Variants in EML2 observed in about 807,000 individuals in gnomAD.
The protein encoded by EML2 is EMAP like 2.
EML2 carries 59 observed loss-of-function variants against 84.7 expected under a neutral mutation model. The observed-to-expected ratio is 0.70, with a 90% CI of 0.56 to 0.86. The LOEUF is 0.86. EML2 is among the 40% of genes least tolerant of loss of function. EML2 has a pLI of 0.00. For synonymous variants in EML2, 352 were observed against 348.9 expected (o/e 1.01, Z -0.10); for missense variants, 818 against 855.6 (o/e 0.96, Z 0.55).
intron 11 of EML2, 198 bp from the exon 12 acceptor site, chr19:45,619,389 A>C (rs1208664951): frequency 5.7e-6 from 3 of 527,730 alleles, no homozygotes; most frequent in Non-Finnish European, 9.5e-6. Flanking sequence ...GACTCAAGGC[A>C]AATCCTGCCC....
At chr19:45,615,980 TAC>T in intron 15 of EML2, 91 bp from the exon 16 acceptor site, 2 of 951,772 alleles carry the variant, frequency 2.1e-6, no homozygotes, top group Non-Finnish European at 3.3e-6. Context: ...GGAAGTCAAA[TAC>T]AGAGGTAGGG....
At chr19:45,643,814 G>A, upstream of EML2, 5 of 1,434,066 alleles carry the variant, frequency 3.5e-6, no homozygotes, top group Non-Finnish European at 4.6e-6. Context: ...CGCCTCCCAG[G>A]TCCGGTGCCT....
At position 45,638,852 on chromosome 19, in the gene EML2, G is replaced by T. The variant is rs1428661520; in HGVS notation, c.42C>A (p.Phe14Leu). The change falls in exon 2 of 19, where the codon TTC (phenylalanine) becomes TTA (leucine). Residue 14 changes from phenylalanine to leucine, a missense_variant. Coordinates refer to ENST00000245925, the MANE Select transcript of EML2 (RefSeq NM_012155.4). The stretch of plus-strand genomic sequence containing the variant: ...CCCCATCTCCCCACTCACCCACACT[G>T]AAGATAACTTCTTTGGTTTTGCTGT... ...FGAGKTKEVI[F>L]SVEDGSVKMF... is the part of the protein sequence containing the mutation. 6.2e-7 allele frequency: 1 copy of T among 1,613,346 alleles called. No individual in the cohort carries two copies. The highest frequency in any genetic ancestry group is 8.5e-7 in the Non-Finnish European group (1 of 1,179,896).
intron 11 of EML2, 179 bp from the exon 12 acceptor site, chr19:45,619,370 C>T: frequency 1.4e-6 from 1 of 695,972 alleles, no homozygotes; most frequent in Non-Finnish European, 2.2e-6. Context: ...AACCCATGCC[C>T]TGGTGTGTGA....
chr19:45,638,471 T>C, intron 3 of EML2, 34 bp downstream of exon 3: 3 of 1,613,358 alleles, frequency 1.9e-6, no homozygotes, highest in Non-Finnish European at 2.5e-6. Flanking sequence ...CCTGGGGGGA[T>C]GGGAGCACCA....
In EML2 at chr19:45,632,918, G is replaced by C. The variant is rs1385645508; in HGVS notation, c.453C>G (p.His151Gln). Residue 151 changes from histidine to glutamine, a missense_variant, in exon 6 of 19, where the codon CAC becomes CAG. By Grantham distance (24) the His-to-Gln change is conservative (BLOSUM62 0). Coordinates refer to ENST00000245925, the MANE Select transcript of EML2 (RefSeq NM_012155.4). ...IWDSVSLSTL[H>Q]VLGLGVFDRA... Reference sequence around the variant, plus strand: ...TGTCAAACACCCCCAAGCCCAGCACGTGTAAGGTGGAGAGGGAAACTGAGT... The same window carrying C: ...TGTCAAACACCCCCAAGCCCAGCACCTGTAAGGTGGAGAGGGAAACTGAGT... The C allele has an allele frequency of 6.2e-7, 1 of 1,614,224 alleles. No individual in the cohort carries two copies. Among genetic ancestry groups the C allele is most frequent in the East Asian group, 2.2e-5 (1 of 44,880 alleles).
At chr19:45,610,787 C>T (rs1366096425) in intron 18 of EML2, among the ~76,000 whole-genome samples, 1 of 152,028 alleles carries the variant, frequency 6.6e-6, no homozygotes, top group Non-Finnish European at 1.5e-5. Context: ...TTGCAGTGAG[C>T]CGAGATCGTG....
At position 45,617,750 on chromosome 19, in the gene EML2, C is replaced by G. The variant is rs945276279; in HGVS notation, c.1255-53G>C. On this transcript the variant is annotated intron_variant, in intron 12 of 18. Coordinates refer to ENST00000245925, the MANE Select transcript of EML2 (RefSeq NM_012155.4). ...CTCAGAGCTGGGGTCCCATGTCCAT[C>G]TGGACATTCTCTTGCCTCAGGGCCA... 1.2e-5 allele frequency: 18 copies of G among 1,535,840 alleles called. No homozygotes were observed. In the African/African-American group the frequency reaches 1.6e-4, roughly 14 times the overall value.
upstream of EML2, chr19:45,639,498 C>G (rs1450279014): frequency 3.9e-6 from 4 of 1,038,746 alleles, no homozygotes; most frequent in Non-Finnish European, 5.0e-6. Flanking sequence ...ACCCCTGGAG[C>G]CGGAGGGTCC....
At chr19:45,645,332 T>A, upstream of EML2, 1 of 1,531,820 alleles carries the variant, frequency 6.5e-7, no homozygotes, top group Non-Finnish European at 8.7e-7. Context: ...CGGGCCGCGC[T>A]CCGCCATCGC....
intron 16 of EML2, 111 bp from the exon 17 acceptor site, chr19:45,614,811 C>G: frequency 1.2e-6 from 1 of 856,826 alleles, no homozygotes; most frequent in South Asian, 1.4e-5. Context: ...GCTAAGGTCC[C>G]AGGGCTCATT....
chr19:45,635,421 G>A (rs1351671862), intron 3 of EML2, among the ~76,000 whole-genome samples: 3 of 151,924 alleles, frequency 2.0e-5, no homozygotes. Context: ...TTAGAGGTTT[G>A]AGCCGCTGGC....
At chr19:45,636,467 A>G (rs1212062691) in intron 3 of EML2, among the ~76,000 whole-genome samples, 1 of 152,052 alleles carries the variant, frequency 6.6e-6, no homozygotes, top group East Asian at 1.9e-4. Flanking sequence ...CTCCTCCAGG[A>G]AGCCCTCCAT....
chr19:45,617,208 CG>C (rs1343620485), intron 13 of EML2, among the ~76,000 whole-genome samples: 1 of 149,696 alleles, frequency 6.7e-6, no homozygotes, highest in African/African-American at 2.5e-5. Flanking sequence ...ATCGCGCCAC[CG>C]GACTCCAGTC....
rs1361545454 is a variant in EML2 at position 45,618,869 on chromosome 19, C to A, written c.1254+191G>T. 3 of 435,108 alleles carry A rather than the reference C, an allele frequency of 6.9e-6. No individual in the cohort carries two copies. The South Asian group carries it at 1.2e-4, about 17-fold the overall frequency. The allele number at this position is 435,108 out of a possible 1,614,324, so 27.0% of individuals were successfully genotyped here. A position where few individuals can be genotyped will look rare whatever the true frequency, so the allele number is the denominator to read the frequency against. ...GGCTGAGGCAGAAGAATCACTTGAA[C>A]CCGGGAGGCGGAGGTTGCAGTGAGC... is the stretch of plus-strand genomic sequence containing the variant. On this transcript the variant is annotated intron_variant, in intron 12 of 18. Coordinates refer to ENST00000245925, the MANE Select transcript of EML2 (RefSeq NM_012155.4).
chr19:45,632,874 C>T lies in EML2; in HGVS notation c.497G>A (p.Gly166Asp), dbSNP rs750681623. 1.8e-5 allele frequency: 29 copies of T among 1,613,846 alleles called. 1 individual carries two copies. In the East Asian group the frequency reaches 2.0e-4, roughly 11 times the overall value. ...GVFDRAVCCVGFSKSNGGNLL... is the reference protein window; with the variant it reads ...GVFDRAVCCVDFSKSNGGNLL... ...CGAAGGACTTACAGATTTGGAGAAG[C>T]CCACACAGCACACGGCTCTGTCAAA... Residue 166 changes from glycine to aspartate, a missense_variant, in exon 6 of 19, where the codon GGC becomes GAC. Gly to Asp is a moderately conservative substitution (Grantham distance 94). Transcript: ENST00000245925.
At chr19:45,630,069 G>A (rs1972840069) in intron 6 of EML2, 23 bp from the exon 7 acceptor site, 1 of 1,581,412 alleles carries the variant, frequency 6.3e-7, no homozygotes, top group Non-Finnish European at 8.7e-7. Flanking sequence ...AGAGAGGAGG[G>A]GGACAGAGGC....
chr19:45,638,827 C>T lies in EML2; in HGVS notation c.49+18G>A, dbSNP rs759697256. ...ACAAGCAAGCTTCCACCGAGCCCTT[C>T]CCCATCTCCCCACTCACCCACACTG... On this transcript the variant is annotated intron_variant, in intron 2 of 18. Coordinates refer to ENST00000245925, the MANE Select transcript of EML2 (RefSeq NM_012155.4). 3.7e-6 allele frequency: 6 copies of T among 1,613,642 alleles called. No homozygotes were observed. The South Asian group carries it at 5.5e-5, about 15-fold the overall frequency.
intron 13 of EML2, among the ~76,000 whole-genome samples, chr19:45,617,409 T>A (rs947642329): frequency 6.6e-6 from 1 of 151,238 alleles, no homozygotes; most frequent in Admixed American, 6.6e-5. Context: ...TAAAAAAAAA[T>A]TAGCCAGGCA....
Sources: allele counts gnomAD v4.1 joint callset (sites outside exome capture counted in the v4.1 genomes callset), GRCh38; gene constraint gnomAD v4.1.1; transcripts MANE v1.5; gene names NCBI Gene and HGNC (gene_info 2026-07-23, HGNC 2026-07-21).